Variants in RNF144B observed in about 807,000 individuals in gnomAD.
RNF144B encodes E3 ubiquitin-protein ligase RNF144B.
Under a neutral mutation model 40.2 loss-of-function variants are expected in RNF144B, and 25 were observed. That is an observed-to-expected ratio of 0.62 (90% CI 0.45 to 0.87). RNF144B has a LOEUF of 0.87. Ranked by LOEUF, RNF144B falls within the 40% of genes least tolerant of loss-of-function variation. The pLI is 0.00. For synonymous variants in RNF144B, 145 were observed against 136.3 expected, an observed-to-expected ratio of 1.06 and a Z score of -0.44; for missense variants, 365 against 373.7, an observed-to-expected ratio of 0.98 and a Z score of 0.19.
chr6:18,465,402 T>C lies in RNF144B; in HGVS notation c.*335T>C, dbSNP rs930051837. 1 of 246,244 alleles carries C rather than the reference T, an allele frequency of 4.1e-6. No homozygotes were observed. The highest frequency in any genetic ancestry group is 5.1e-5 in the Admixed American group (1 of 19,702). 15.3% of individuals were successfully genotyped at this position (246,244 alleles called of 1,614,324 possible). ...TCAAGGAGCTTGCGGGAACATTTGA[T>C]ATAACAAATGTGTTGTCATTGTTGG... On this transcript the variant is annotated 3_prime_UTR_variant, in exon 8 of 8. Coordinates refer to ENST00000259939, the MANE Select transcript of RNF144B (RefSeq NM_182757.4).
intron 2 of RNF144B, among the ~76,000 whole-genome samples, chr6:18,421,269 AT>A (rs1444477894): frequency 9.3e-5 from 11 of 118,630 alleles, no homozygotes; most frequent in Admixed American, 5.1e-4. Flanking sequence ...AAAATTATAT[AT>A]TATACACACA....
intron 2 of RNF144B, among the ~76,000 whole-genome samples, chr6:18,408,325 T>C (rs1055111063): frequency 2.6e-5 from 4 of 152,178 alleles, no homozygotes; most frequent in Non-Finnish European, 5.9e-5. Flanking sequence ...TCTTCATCAT[T>C]TTCTCTTCTT....
chr6:18,451,986 T>C (rs572012993), intron 4 of RNF144B, among the ~76,000 whole-genome samples: 1 of 152,296 alleles, frequency 6.6e-6, no homozygotes, highest in Non-Finnish European at 1.5e-5. Flanking sequence ...AGAGCTATGG[T>C]CTAATAGAAA....
In RNF144B at chr6:18,427,665, G is replaced by C; in HGVS notation, c.250G>C (p.Gly84Arg). 1 of 1,612,354 alleles carries C rather than the reference G, an allele frequency of 6.2e-7. No homozygotes were observed. Among genetic ancestry groups the C allele is most frequent in the Non-Finnish European group, 8.5e-7 (1 of 1,178,590 alleles). Residue 84 changes from glycine to arginine, a missense_variant, in exon 3 of 8, where the codon GGG becomes CGG. Physicochemically the swap from Gly to Arg is moderately radical, Grantham distance 125 (BLOSUM62 -2). Coordinates refer to ENST00000259939, the MANE Select transcript of RNF144B (RefSeq NM_182757.4). ...CCCTGACATGGTGTGCCTAAACCAC[G>C]GGACCCTGCAGGAAGCTGAGGTATG... ...TCPDMVCLNH[G>R]TLQEAEIACL...
In RNF144B at chr6:18,464,820, C is replaced by T; in HGVS notation, c.772-107C>T. On this transcript the variant is annotated intron_variant, in intron 7 of 7. Coordinates refer to ENST00000259939, the MANE Select transcript of RNF144B (RefSeq NM_182757.4). The surrounding 1 kb of genome is among the most constrained non-coding windows in gnomAD (Gnocchi z 6.1). ...ATTTAGGGTTTCAACATATGAGCTTCAGGGGGACACAAACATTTGGCCCAC... is the reference window on the plus strand; with the variant it reads ...ATTTAGGGTTTCAACATATGAGCTTTAGGGGGACACAAACATTTGGCCCAC... 1 of 1,083,276 alleles carries T rather than the reference C, an allele frequency of 9.2e-7. No homozygotes were observed. The highest frequency in any genetic ancestry group is 2.1e-5 in the Admixed American group (1 of 46,654). 67.1% of individuals were successfully genotyped at this position (1,083,276 alleles called of 1,614,324 possible). A position where few individuals can be genotyped will look rare whatever the true frequency, so the allele number is the denominator to read the frequency against.
At chr6:18,430,233 C>T (rs1289694490) in intron 3 of RNF144B, among the ~76,000 whole-genome samples, 2 of 152,322 alleles carry the variant, frequency 1.3e-5, no homozygotes, top group South Asian at 2.1e-4. Flanking sequence ...GTTCAGCAGT[C>T]ACATGTGGCT....
chr6:18,464,878 A>T lies in RNF144B; in HGVS notation c.772-49A>T, dbSNP rs146237176. 2 of 1,582,404 alleles carry T rather than the reference A, an allele frequency of 1.3e-6. No individual in the cohort carries two copies. Among genetic ancestry groups the T allele is most frequent in the African/African-American group, 1.3e-5 (1 of 74,424 alleles). On this transcript the variant is annotated intron_variant, in intron 7 of 7. Coordinates refer to ENST00000259939, the MANE Select transcript of RNF144B (RefSeq NM_182757.4). This position sits in a 1 kb window ranked among gnomAD's most constrained non-coding sequence, Gnocchi z 6.1. ...AACAGTATAGTTGGAATAAGTATAC[A>T]TATTGAAAGACTTAATTGCTGAAAT... is the stretch of plus-strand genomic sequence containing the variant.
chr6:18,455,610 C>A (rs7747644), intron 4 of RNF144B, among the ~76,000 whole-genome samples: 19,040 of 152,070 alleles, frequency 0.13, 1,371 homozygotes, highest in Admixed American at 0.19. Flanking sequence ...TTGCAAAATA[C>A]CTGAGTTCAG....
Position 18,398,188 on chromosome 6 carries a change from G to A in RNF144B, c.-36-1311G>A, listed in dbSNP as rs1183144602. On this transcript the variant is annotated intron_variant, in intron 1 of 7. Coordinates refer to ENST00000259939, the MANE Select transcript of RNF144B (RefSeq NM_182757.4). This position sits in a 1 kb window ranked among gnomAD's most constrained non-coding sequence, Gnocchi z 5.0. ...CCTGGTAACCTCTATTCTTCTTTTT[G>A]TCTCTCAGAATTGACTACTCTAGGT... 6.6e-6 allele frequency among the ~76,000 whole-genome samples: 1 copy of A among 151,804 alleles called. No homozygotes were observed.
intron 4 of RNF144B, among the ~76,000 whole-genome samples, chr6:18,440,467 A>G (rs1758934004): frequency 6.6e-6 from 1 of 152,102 alleles, no homozygotes; most frequent in African/African-American, 2.4e-5. Context: ...CATTGAGTAT[A>G]TTAAACTTGA....
In RNF144B at chr6:18,467,848, C is replaced by G. The variant is rs545053814; in HGVS notation, c.*2781C>G. On this transcript the variant is annotated 3_prime_UTR_variant, in exon 8 of 8. Coordinates refer to ENST00000259939, the MANE Select transcript of RNF144B (RefSeq NM_182757.4). ...TAGAGATGGGGTTTCTCTGTGTTGC[C>G]CAGTCTTGTCTCAAACTCCTGGGCT... 1 of 152,336 alleles carries G rather than the reference C, an allele frequency of 6.6e-6. No individual in the cohort carries two copies. Among genetic ancestry groups the G allele is most frequent in the South Asian group, 2.1e-4 (1 of 4,812 alleles). The allele number at this position is 152,336 out of a possible 1,614,324, so 9.4% of individuals were successfully genotyped here.
At chr6:18,409,404 C>A (rs1448633775) in intron 2 of RNF144B, among the ~76,000 whole-genome samples, 16 of 113,984 alleles carry the variant, frequency 1.4e-4, no homozygotes, top group East Asian at 6.3e-4. Flanking sequence ...AAAAAAAAAA[C>A]CCTGGAAAAC....
chr6:18,462,182 G>A (rs1236413066), intron 6 of RNF144B, among the ~76,000 whole-genome samples: 3 of 152,022 alleles, frequency 2.0e-5, no homozygotes, highest in African/African-American at 7.3e-5. Flanking sequence ...CTTCAAAAAA[G>A]CCTAATCACC....
intron 3 of RNF144B, among the ~76,000 whole-genome samples, chr6:18,435,612 G>A (rs1441650467): frequency 6.6e-6 from 1 of 152,074 alleles, no homozygotes; most frequent in African/African-American, 2.4e-5. Flanking sequence ...CTCCCTACAA[G>A]GTAATTGTTA....
intron 3 of RNF144B, among the ~76,000 whole-genome samples, chr6:18,435,715 C>G (rs1758801709): frequency 6.6e-6 from 1 of 152,024 alleles, no homozygotes. Context: ...AGTTCATGTC[C>G]TTTGTAGGGA....
intron 2 of RNF144B, among the ~76,000 whole-genome samples, chr6:18,407,925 T>G (rs1434234839): frequency 6.6e-6 from 1 of 152,044 alleles, no homozygotes; most frequent in Non-Finnish European, 1.5e-5. Context: ...CTCTAGAATT[T>G]CCTCATTTGT....
At position 18,465,130 on chromosome 6, in the gene RNF144B, C is replaced by G; in HGVS notation, c.*63C>G. On this transcript the variant is annotated 3_prime_UTR_variant, in exon 8 of 8. Coordinates refer to ENST00000259939, the MANE Select transcript of RNF144B (RefSeq NM_182757.4). ...CATGAGATGGCACAGTGATAAAGCC[C>G]CATTTAGTGACCTTGCCTCCTTCTC... is the stretch of plus-strand genomic sequence containing the variant. 6.4e-7 allele frequency: 1 copy of G among 1,553,932 alleles called. No individual in the cohort carries two copies. Among genetic ancestry groups the G allele is most frequent in the Middle Eastern group, 1.7e-4 (1 of 5,794 alleles).
At chr6:18,413,547 G>A (rs896317600) in intron 2 of RNF144B, among the ~76,000 whole-genome samples, 3 of 152,308 alleles carry the variant, frequency 2.0e-5, no homozygotes, top group East Asian at 3.9e-4. Flanking sequence ...GACATTCAGA[G>A]GTCTGATTTA....
intron 2 of RNF144B, among the ~76,000 whole-genome samples, chr6:18,404,706 G>GA (rs35982109): frequency 0.074 from 11,286 of 151,730 alleles, 675 homozygotes; most frequent in East Asian, 0.23. Context: ...ACTTAACAGG[G>GA]AAAAAAAAGT....
Sources: gnomAD v4.1 joint callset for allele counts (sites outside exome capture counted in the v4.1 genomes callset) on GRCh38, gnomAD v4.1.1 for gene constraint, Gnocchi (gnomAD v3.1) non-coding constraint, MANE v1.5 for transcripts, NCBI Gene and HGNC (gene_info 2026-07-23, HGNC 2026-07-21) for gene names.